The following MYT1L variants were observed in gnomAD, a reference collection of about 807,000 sequenced individuals.
The protein encoded by MYT1L is myelin transcription factor 1 like.
A neutral mutation model predicts 126.7 loss-of-function variants in MYT1L; 12 were observed. That is an observed-to-expected ratio of 0.09 (90% CI 0.06 to 0.15). MYT1L has a LOEUF of 0.15. Among genes scored for constraint, MYT1L ranks in the 10% least tolerant of loss-of-function variants. The pLI is 1.00. For synonymous variants in MYT1L, 541 were observed against 604.2 expected (o/e 0.90, Z 1.53); for missense variants, 979 against 1,585.2 (o/e 0.62, Z 6.49).
intron 8 of MYT1L, among the ~76,000 whole-genome samples, chr2:1,956,191 G>GTCTATCTA (rs368487475): frequency 0.33 from 48,367 of 145,534 alleles, 8,891 homozygotes; most frequent in Middle Eastern, 0.41. Flanking sequence ...TTACCTAGCT[G>GTCTATCTA]TCTATCTATC....
chr2:2,106,170 A>C (rs2078730865), intron 3 of MYT1L, among the ~76,000 whole-genome samples: 3 of 152,226 alleles, frequency 2.0e-5, no homozygotes, highest in Non-Finnish European at 4.4e-5. Flanking sequence ...AGACAGGGCG[A>C]GCTTCCTTTG....
At chr2:2,027,442 G>A (rs2065762190) in intron 4 of MYT1L, among the ~76,000 whole-genome samples, 1 of 152,210 alleles carries the variant, frequency 6.6e-6, no homozygotes, top group Non-Finnish European at 1.5e-5. Context: ...CACAGACGCT[G>A]CCGGATGACC....
intron 13 of MYT1L, among the ~76,000 whole-genome samples, chr2:1,903,600 T>C (rs2050628562): frequency 6.6e-6 from 1 of 152,140 alleles, no homozygotes. Context: ...ACATGAGATA[T>C]GAGGATGGGG....
chr2:2,083,199 T>C (rs950569238), intron 3 of MYT1L, among the ~76,000 whole-genome samples: 7 of 152,234 alleles, frequency 4.6e-5, no homozygotes, highest in Non-Finnish European at 8.8e-5. Context: ...ATACCTGCCC[T>C]TCCTAAGTGC....
At chr2:2,073,738 C>A (rs1431458634) in intron 3 of MYT1L, among the ~76,000 whole-genome samples, 1 of 152,186 alleles carries the variant, frequency 6.6e-6, no homozygotes, top group African/African-American at 2.4e-5. Context: ...GCTCCCTTCA[C>A]CTTCATGTCC....
rs368764842 is a variant in MYT1L at position 2,242,649 on chromosome 2, C to T, written c.-421+41755G>A. On this transcript the variant is annotated intron_variant, in intron 2 of 24. Coordinates refer to ENST00000647738, the MANE Select transcript of MYT1L (RefSeq NM_001303052.2). ...AAAGAAGCAGGCAGGGTCCCCAATC[C>T]CATGAGACTGTGTATGCCTCATAAG... is the stretch of plus-strand genomic sequence containing the variant. 9.8e-5 allele frequency among the ~76,000 whole-genome samples: 15 copies of T among 152,290 alleles called. No individual in the cohort carries two copies. In the East Asian group the frequency reaches 1.4e-3, roughly 14 times the overall value.
In MYT1L at chr2:1,815,780, G is replaced by A. The variant is rs531721119; in HGVS notation, c.3081-6613C>T. ...GGGCTGCCTGGCCCATCTCTCCTTT[G>A]TCCTGTAGTTTATCTTTTCTAGTTT... is the stretch of plus-strand genomic sequence containing the variant. On this transcript the variant is annotated intron_variant, in intron 21 of 24. Transcript: ENST00000647738. 2.0e-5 allele frequency among the ~76,000 whole-genome samples: 3 copies of A among 152,326 alleles called. No homozygotes were observed. The South Asian group carries it at 6.2e-4, about 32-fold the overall frequency.
At chr2:2,048,063 C>G (rs1025816584) in intron 4 of MYT1L, among the ~76,000 whole-genome samples, 1 of 152,054 alleles carries the variant, frequency 6.6e-6, no homozygotes, top group Non-Finnish European at 1.5e-5. Context: ...GGCACAGACC[C>G]GGCTTTAATG....
intron 11 of MYT1L, among the ~76,000 whole-genome samples, chr2:1,914,031 G>A (rs950720309): frequency 5.9e-5 from 9 of 152,106 alleles, no homozygotes; most frequent in Non-Finnish European, 7.4e-5. Flanking sequence ...TGAGGCGGGC[G>A]GATCACAAGG....
intron 3 of MYT1L, among the ~76,000 whole-genome samples, chr2:2,172,164 A>C (rs2090139054): frequency 6.6e-6 from 1 of 152,140 alleles, no homozygotes; most frequent in African/African-American, 2.4e-5. Context: ...AGCCCTAAAA[A>C]TATGTGCTGC....
intron 1 of MYT1L, among the ~76,000 whole-genome samples, chr2:2,310,799 C>T (rs775276873): frequency 8.5e-5 from 13 of 152,218 alleles, no homozygotes; most frequent in East Asian, 1.9e-4. Context: ...CTGAGACCCA[C>T]GGGCGGTTGT....
At chr2:1,792,890 G>GAAAAGA (rs2032476799) in intron 23 of MYT1L, among the ~76,000 whole-genome samples, 1 of 46,656 alleles carries the variant, frequency 2.1e-5, no homozygotes. Context: ...AAAAAAAAAG[G>GAAAAGA]AAAAGAAAAA....
In MYT1L at chr2:1,979,312, C is replaced by T. The variant is rs1046630621; in HGVS notation, c.90-85G>A. On this transcript the variant is annotated intron_variant, in intron 7 of 24. Transcript: ENST00000647738. The surrounding 1 kb of genome is among the most constrained non-coding windows in gnomAD (Gnocchi z 4.0). Reference sequence around the variant, plus strand: ...TCCGTGGCAGCAGAGAGAAGGAGGGCGGCTCAGACAGAGGAGAGAAATCAC... The same window carrying T: ...TCCGTGGCAGCAGAGAGAAGGAGGGTGGCTCAGACAGAGGAGAGAAATCAC... 9.3e-6 allele frequency: 12 copies of T among 1,291,768 alleles called. No homozygotes were observed. Among genetic ancestry groups the T allele is most frequent in the African/African-American group, 4.4e-5 (3 of 68,228 alleles). 80.0% of individuals were successfully genotyped at this position (1,291,768 alleles called of 1,614,324 possible).
chr2:1,888,266 A>G (rs1429269443), intron 16 of MYT1L, among the ~76,000 whole-genome samples: 1 of 152,338 alleles, frequency 6.6e-6, no homozygotes, highest in East Asian at 1.9e-4. Flanking sequence ...ACTTTCAATT[A>G]AAATGAATTT....
intron 2 of MYT1L, among the ~76,000 whole-genome samples, chr2:2,199,333 G>A (rs563040590): frequency 2.6e-5 from 4 of 152,286 alleles, no homozygotes; most frequent in East Asian, 3.9e-4. Context: ...AAAATTGTGC[G>A]GGACAGACTG....
At chr2:2,329,790 C>A (rs1187961358) in intron 1 of MYT1L, among the ~76,000 whole-genome samples, 1 of 152,104 alleles carries the variant, frequency 6.6e-6, no homozygotes, top group Non-Finnish European at 1.5e-5. Flanking sequence ...TTTAAGGAGA[C>A]TTTTAAGCAA....
At chr2:2,007,938 C>A (rs1270294709) in intron 4 of MYT1L, among the ~76,000 whole-genome samples, 1 of 152,154 alleles carries the variant, frequency 6.6e-6, no homozygotes, top group Non-Finnish European at 1.5e-5. Context: ...AGGAGAGGAG[C>A]CTGAATTCTG....
chr2:2,285,828 C>G (rs1382343290), intron 1 of MYT1L, among the ~76,000 whole-genome samples: 1 of 152,204 alleles, frequency 6.6e-6, no homozygotes, highest in Non-Finnish European at 1.5e-5. Context: ...CAAGATGCTG[C>G]CTAACCCCTG....
chr2:2,075,960 T>C (rs1276022971), intron 3 of MYT1L, among the ~76,000 whole-genome samples: 6 of 152,190 alleles, frequency 3.9e-5, no homozygotes, highest in African/African-American at 1.4e-4. Context: ...TGGAGTTCCA[T>C]TAAAAGCACT....
Sources: gnomAD v4.1 joint callset for allele counts (sites outside exome capture counted in the v4.1 genomes callset) on GRCh38, gnomAD v4.1.1 for gene constraint, Gnocchi (gnomAD v3.1) non-coding constraint, MANE v1.5 for transcripts, NCBI Gene and HGNC (gene_info 2026-07-23, HGNC 2026-07-21) for gene names.